CMIP: variants seen among roughly 807,000 people sequenced by gnomAD.
The protein encoded by CMIP is C-Maf-inducing protein.
In CMIP, 13 loss-of-function variants were observed where a neutral mutation model predicts 97.3. The observed-to-expected ratio is 0.13, with a 90% CI of 0.09 to 0.21. CMIP has a LOEUF of 0.21. Ranked by LOEUF, CMIP falls within the 10% of genes least tolerant of loss-of-function variation. The pLI, the probability that CMIP is intolerant of heterozygous loss-of-function variation, is 1.00. For synonymous variants in CMIP, 538 were observed against 436.3 expected, an observed-to-expected ratio of 1.23 and a Z score of -2.91; for missense variants, 847 against 1,024.9, an observed-to-expected ratio of 0.83 and a Z score of 2.37.
Position 81,670,244 on chromosome 16 carries a change from A to C in CMIP, c.928A>C (p.Ser310Arg). Reference protein sequence around the residue: ...GMEVVKKFIQSMHGPTGHCPH... With the variant: ...GMEVVKKFIQRMHGPTGHCPH... The stretch of plus-strand genomic sequence containing the variant: ...GGAAGTGGTGAAGAAGTTCATTCAG[A>C]GGTGGGTCTCCGGCGCGACGTCCCT... The change falls in exon 8 of 21, where the codon AGC (serine) becomes CGC (arginine). Residue 310 changes from serine (S) to arginine (R), a missense_variant and splice_region_variant. This residue lies in a region of CMIP where 285 missense variants were observed against 392.2 expected (regional missense o/e 0.73). Transcript: ENST00000537098. 6.2e-7 allele frequency: 1 copy of C among 1,608,674 alleles called. No individual in the cohort carries two copies. Among genetic ancestry groups the C allele is most frequent in the African/African-American group, 1.3e-5 (1 of 74,956 alleles).
At chr16:81,538,030 G>A (rs182239875) in intron 1 of CMIP, among the ~76,000 whole-genome samples, 39 of 152,372 alleles carry the variant, frequency 2.6e-4, no homozygotes, top group Non-Finnish European at 4.7e-4. Flanking sequence ...GGCTTGCCCT[G>A]CAGAAGACAT....
intron 1 of CMIP, among the ~76,000 whole-genome samples, chr16:81,537,280 A>G (rs2090360959): frequency 6.6e-6 from 1 of 152,110 alleles, no homozygotes; most frequent in African/African-American, 2.4e-5. Flanking sequence ...CACACCTGTA[A>G]TGCCGGCACT....
chr16:81,498,274 T>C (rs1049216084), intron 1 of CMIP, among the ~76,000 whole-genome samples: 1 of 152,254 alleles, frequency 6.6e-6, no homozygotes, highest in Non-Finnish European at 1.5e-5. Context: ...AGGATGGTGC[T>C]TGTCATGTTG....
At chr16:81,663,944 C>T (rs985327999) in intron 6 of CMIP, among the ~76,000 whole-genome samples, 1 of 152,126 alleles carries the variant, frequency 6.6e-6, no homozygotes, top group Non-Finnish European at 1.5e-5. Flanking sequence ...TGCTGGCCTG[C>T]GTGCCCAGGG....
intron 1 of CMIP, among the ~76,000 whole-genome samples, chr16:81,481,835 C>A (rs2926000): frequency 0.68 from 102,007 of 150,384 alleles, 34,979 homozygotes; most frequent in East Asian, 0.78. Context: ...CCAACCTCTG[C>A]TTCAGTCTTC....
chr16:81,472,795 G>A (rs768318598), intron 1 of CMIP, among the ~76,000 whole-genome samples: 29 of 152,198 alleles, frequency 1.9e-4, no homozygotes, highest in Non-Finnish European at 4.1e-4. Flanking sequence ...TGGGGTGGCT[G>A]AGGTGCACAG....
chr16:81,565,138 G>A (rs1477493897), intron 1 of CMIP, among the ~76,000 whole-genome samples: 1 of 152,150 alleles, frequency 6.6e-6, no homozygotes, highest in Non-Finnish European at 1.5e-5. Context: ...GGTAACCATG[G>A]CATTACAGAA....
At chr16:81,600,274 T>TG (rs1480296039) in intron 1 of CMIP, among the ~76,000 whole-genome samples, 8 of 53,614 alleles carry the variant, frequency 1.5e-4, no homozygotes, top group African/African-American at 4.6e-4. Context: ...AGACTCCATC[T>TG]GAAAAAAAAA....
In CMIP at chr16:81,711,637, A is replaced by G. The variant is rs1051733858; in HGVS notation, c.*1838A>G. The stretch of plus-strand genomic sequence containing the variant: ...AAAAAGGAAAAAAAAAAAAGAAGAA[A>G]CAAGACATGCCACCTTTCCCCTCGC... On this transcript the variant is annotated 3_prime_UTR_variant, in exon 21 of 21. Coordinates refer to ENST00000537098, the MANE Select transcript of CMIP (RefSeq NM_198390.3). 5 of 152,082 alleles carry G rather than the reference A, an allele frequency of 3.3e-5. No homozygotes were observed. The highest frequency in any genetic ancestry group is 2.1e-4 in the South Asian group (1 of 4,814). The allele number at this position is 152,082 out of a possible 1,614,324, so 9.4% of individuals were successfully genotyped here.
At chr16:81,465,822 C>T (rs1344746006) in intron 1 of CMIP, among the ~76,000 whole-genome samples, 1 of 152,220 alleles carries the variant, frequency 6.6e-6, no homozygotes. Flanking sequence ...TGTGAGTTCC[C>T]TCGCTCCAGA....
intron 3 of CMIP, among the ~76,000 whole-genome samples, chr16:81,643,991 A>C (rs1484561102): frequency 6.6e-6 from 1 of 152,122 alleles, no homozygotes; most frequent in Non-Finnish European, 1.5e-5. Flanking sequence ...GGTTGTCCCT[A>C]CCAAGCCTGG....
At chr16:81,589,694 A>G (rs915098530) in intron 1 of CMIP, among the ~76,000 whole-genome samples, 4 of 152,216 alleles carry the variant, frequency 2.6e-5, no homozygotes, top group Non-Finnish European at 5.9e-5. Context: ...AGCGCAATGT[A>G]GTATTTTCGA....
rs1275209356 is a variant in CMIP, at chr16:81,645,500, G to A, written c.478-6703G>A. On this transcript the variant is annotated intron_variant, in intron 3 of 20. Coordinates refer to ENST00000537098, the MANE Select transcript of CMIP (RefSeq NM_198390.3). ...CATTCCTGCTGACGACTTGTCTCCC[G>A]TGGAGGAGCAACAGGCTCTGCTTTC... 22 of 1,535,452 alleles carry A rather than the reference G, an allele frequency of 1.4e-5. No homozygotes were observed. In the East Asian group the frequency reaches 2.0e-4, roughly 14 times the overall value.
chr16:81,598,485 G>T (rs2091601394), intron 1 of CMIP, among the ~76,000 whole-genome samples: 1 of 152,224 alleles, frequency 6.6e-6, no homozygotes, highest in Non-Finnish European at 1.5e-5. Context: ...CTGTAGGGCA[G>T]TGCCAGTATC....
intron 10 of CMIP, 101 bp from the exon 11 acceptor site, chr16:81,691,674 C>T: frequency 1.1e-6 from 1 of 880,538 alleles, no homozygotes; most frequent in Non-Finnish European, 1.9e-6. Flanking sequence ...TGACTACCTG[C>T]CAGGCTCTCA....
At chr16:81,693,915 G>A (rs980126869) in intron 13 of CMIP, among the ~76,000 whole-genome samples, 1 of 152,228 alleles carries the variant, frequency 6.6e-6, no homozygotes, top group African/African-American at 2.4e-5. Context: ...AAGGGCTGCT[G>A]TGTCCCTCAC....
intron 1 of CMIP, among the ~76,000 whole-genome samples, chr16:81,598,447 C>G (rs960045227): frequency 1.3e-5 from 2 of 152,204 alleles, no homozygotes; most frequent in African/African-American, 4.8e-5. Flanking sequence ...AGTGCAGATA[C>G]GGAGCGTTTG....
chr16:81,546,354 G>A (rs1246893104), intron 1 of CMIP, among the ~76,000 whole-genome samples: 1 of 152,214 alleles, frequency 6.6e-6, no homozygotes, highest in East Asian at 1.9e-4. Context: ...GCAGGACAGA[G>A]CCAGCATGTA....
Position 81,500,153 on chromosome 16 carries a change from C to T in CMIP, c.300+54612C>T, listed in dbSNP as rs141203692. On this transcript the variant is annotated intron_variant, in intron 1 of 20. Coordinates refer to ENST00000537098, the MANE Select transcript of CMIP (RefSeq NM_198390.3). ...CCTCTGGCGACTTTTAGAGCTGGTG[C>T]GCAGTCCTGCCTGAGCATCGGTGAA... Among the ~76,000 whole-genome samples the T allele has an allele frequency of 5.1e-3, 774 of 152,242 alleles. 4 individuals carry two copies. The highest frequency in any genetic ancestry group is 6.8e-3 in the Middle Eastern group (2 of 294).
Sources: allele counts gnomAD v4.1 joint callset (sites outside exome capture counted in the v4.1 genomes callset), GRCh38; gene constraint gnomAD v4.1.1; regional missense constraint gnomAD v4.1.1; transcripts MANE v1.5; gene names NCBI Gene and HGNC (gene_info 2026-07-23, HGNC 2026-07-21).